The following SNTG1 variants were observed in gnomAD, a reference collection of about 807,000 sequenced individuals.
SNTG1 encodes gamma-1-syntrophin.
Under a neutral mutation model 74.7 loss-of-function variants are expected in SNTG1, and 39 were observed. The ratio of observed to expected loss-of-function variants is 0.52; its 90% CI spans 0.40 to 0.68. The LOEUF is 0.68. SNTG1 is among the 30% of genes least tolerant of loss of function. SNTG1 has a pLI of 0.00. For missense variants in SNTG1, 685 were observed against 609.5 expected, an observed-to-expected ratio of 1.12 and a Z score of -1.30; for synonymous variants, 254 against 217.1, an observed-to-expected ratio of 1.17 and a Z score of -1.49.
At chr8:50,342,928 T>A (rs1471431306) in intron 2 of SNTG1, among the ~76,000 whole-genome samples, 4 of 152,176 alleles carry the variant, frequency 2.6e-5, no homozygotes, top group Non-Finnish European at 5.9e-5. Context: ...GCCATCTGCC[T>A]GGAGCTCACT....
chr8:50,273,888 G>T (rs2087929195), intron 2 of SNTG1, among the ~76,000 whole-genome samples: 1 of 152,060 alleles, frequency 6.6e-6, no homozygotes, highest in Non-Finnish European at 1.5e-5. Context: ...AGTATGAAAA[G>T]ACTTAGGAAT....
intron 1 of SNTG1, among the ~76,000 whole-genome samples, chr8:50,030,354 C>G (rs1199028188): frequency 6.6e-6 from 1 of 151,894 alleles, no homozygotes; most frequent in Non-Finnish European, 1.5e-5. Context: ...TTTATGTGAT[C>G]CTATTTGTCC....
intron 11 of SNTG1, 45 bp downstream of exon 11, chr8:50,536,853 AG>A (rs768216612): frequency 6.2e-7 from 1 of 1,603,186 alleles, no homozygotes; most frequent in South Asian, 1.1e-5. Flanking sequence ...TTATGAAAAA[AG>A]AGACCTTTTA....
At chr8:50,052,128 T>G (rs1819628490) in intron 1 of SNTG1, among the ~76,000 whole-genome samples, 1 of 152,138 alleles carries the variant, frequency 6.6e-6, no homozygotes, top group Admixed American at 6.6e-5. Context: ...AGTTGGAGGA[T>G]TCATACTATA....
chr8:50,585,208 CCTT>C (rs144691289), intron 12 of SNTG1, among the ~76,000 whole-genome samples: 5,050 of 152,228 alleles, frequency 0.033, 133 homozygotes, highest in African/African-American at 0.063. Context: ...CTTAACGTGG[CCTT>C]CATTTATCTG....
intron 8 of SNTG1, among the ~76,000 whole-genome samples, chr8:50,501,617 T>A (rs933955486): frequency 3.4e-4 from 51 of 147,894 alleles, no homozygotes; most frequent in South Asian, 6.4e-4. Flanking sequence ...TTTTATTTTT[T>A]TTTTTTTTTT....
chr8:50,032,936 G>A (rs1209014138), intron 1 of SNTG1, among the ~76,000 whole-genome samples: 1 of 151,694 alleles, frequency 6.6e-6, no homozygotes, highest in Non-Finnish European at 1.5e-5. Context: ...CATCAGATTT[G>A]TCCATTCTTC....
chr8:49,961,575 C>A (rs10441546), intron 1 of SNTG1, among the ~76,000 whole-genome samples: 3 of 152,172 alleles, frequency 2.0e-5, no homozygotes, highest in Admixed American at 2.0e-4. Flanking sequence ...ATAAAAACTT[C>A]TGAGTATTTC....
chr8:49,914,117 T>A (rs1273163464), intron 1 of SNTG1, among the ~76,000 whole-genome samples: 1 of 151,908 alleles, frequency 6.6e-6, no homozygotes, highest in African/African-American at 2.4e-5. Context: ...AGCAACTTAA[T>A]GCCTACCAAT....
At chr8:50,649,290 G>T (rs1221286719) in intron 13 of SNTG1, among the ~76,000 whole-genome samples, 1 of 152,040 alleles carries the variant, frequency 6.6e-6, no homozygotes, top group Non-Finnish European at 1.5e-5. Flanking sequence ...TTGAGGTCAG[G>T]AGTGCAAGAC....
At chr8:50,016,199 C>T (rs955649505) in intron 1 of SNTG1, among the ~76,000 whole-genome samples, 3 of 152,090 alleles carry the variant, frequency 2.0e-5, no homozygotes, top group Non-Finnish European at 4.4e-5. Flanking sequence ...TCAATGCAAC[C>T]ACTGAGCTGG....
At chr8:50,120,479 C>G (rs1380283362) in intron 1 of SNTG1, among the ~76,000 whole-genome samples, 2 of 140,492 alleles carry the variant, frequency 1.4e-5, no homozygotes, top group Admixed American at 1.5e-4. Flanking sequence ...ACCATTACTA[C>G]TGCCACTAAC....
At chr8:50,321,703 T>A (rs2090537058) in intron 2 of SNTG1, among the ~76,000 whole-genome samples, 1 of 149,258 alleles carries the variant, frequency 6.7e-6, no homozygotes, top group Admixed American at 6.8e-5. Flanking sequence ...TGCTTGTAGA[T>A]TTGAGGTTAA....
intron 4 of SNTG1, among the ~76,000 whole-genome samples, chr8:50,422,266 A>G (rs199653471): frequency 2.9e-4 from 1 of 3,396 alleles, no homozygotes; most frequent in African/African-American, 3.2e-4. Context: ...CTATCTATCT[A>G]TCTACTATCT....
chr8:50,771,220 G>A (rs527730320), intron 18 of SNTG1, among the ~76,000 whole-genome samples: 44 of 152,120 alleles, frequency 2.9e-4, no homozygotes, highest in Admixed American at 9.8e-4. Context: ...CTCAGAAGAA[G>A]ACAAAAAGAT....
At position 50,243,783 on chromosome 8, in the gene SNTG1, T is replaced by C. The variant is rs552793577; in HGVS notation, c.-28+71148T>C. 6.6e-5 allele frequency among the ~76,000 whole-genome samples: 10 copies of C among 152,210 alleles called. No homozygotes were observed. The South Asian group carries it at 2.1e-3, about 32-fold the overall frequency. ...ACTCTAATAAGTTTCCTCTTTTCAT[T>C]TTATGAAAAAAACAAATACATGATT... On this transcript the variant is annotated intron_variant, in intron 2 of 18. Transcript: ENST00000642720.
At chr8:50,552,616 C>T (rs541576843) in intron 11 of SNTG1, among the ~76,000 whole-genome samples, 14 of 152,182 alleles carry the variant, frequency 9.2e-5, no homozygotes, top group Admixed American at 4.6e-4. Flanking sequence ...TTTAATATCA[C>T]GCTTAATATT....
In SNTG1 at chr8:50,658,600, C is replaced by G; in HGVS notation, c.975C>G (p.Thr325=). ...TTTCTTATCTTTTAAAGGTGACCAC[C>G]TGGGACTGGACGAGAGCAGAGAAAA... ...LYKFLAPPVT[T]WDWTRAEKTF... The change falls in exon 15 of 19, where the codon ACC becomes ACG. Residue 325 remains threonine (T), a synonymous_variant. Coordinates refer to ENST00000642720, the MANE Select transcript of SNTG1 (RefSeq NM_018967.5). The G allele has an allele frequency of 6.2e-7, 1 of 1,605,928 alleles. No homozygotes were observed. The highest frequency in any genetic ancestry group is 8.5e-7 in the Non-Finnish European group (1 of 1,174,452).
intron 1 of SNTG1, among the ~76,000 whole-genome samples, chr8:49,944,450 C>A (rs1440742165): frequency 6.6e-6 from 1 of 150,566 alleles, no homozygotes; most frequent in Admixed American, 6.7e-5. Context: ...AGATGGAAAT[C>A]ATCATTCTCA....
Sources: gnomAD v4.1 joint callset for allele counts (sites outside exome capture counted in the v4.1 genomes callset) on GRCh38, gnomAD v4.1.1 for gene constraint, MANE v1.5 for transcripts, NCBI Gene and HGNC (gene_info 2026-07-23, HGNC 2026-07-21) for gene names.